Variants in NELL2 observed in about 807,000 individuals in gnomAD.
The protein encoded by NELL2 is protein kinase C-binding protein NELL2.
Under a neutral mutation model 109.6 loss-of-function variants are expected in NELL2, and 41 were observed. That is an observed-to-expected ratio of 0.37 (90% CI 0.29 to 0.49). The LOEUF is 0.49. NELL2 is among the 20% of genes least tolerant of loss of function. The pLI is 0.98. For synonymous variants in NELL2, 355 were observed against 344.7 expected (o/e 1.03, Z -0.33); for missense variants, 900 against 1,008.3 (o/e 0.89, Z 1.45).
In NELL2 at chr12:44,569,605, A is replaced by G. The variant is rs534928861; in HGVS notation, c.1664-36884T>C. On this transcript the variant is annotated intron_variant, in intron 15 of 19. Transcript: ENST00000429094. ...GGCTCTGTTTTAGACCTCTTTAAAG[A>G]TTTTAAAAGTTAAGCGTAGACTTCA... Among the ~76,000 whole-genome samples the G allele has an allele frequency of 3.9e-5, 6 of 152,274 alleles. No individual in the cohort carries two copies. The East Asian group carries it at 1.2e-3, about 29-fold the overall frequency.
intron 15 of NELL2, among the ~76,000 whole-genome samples, chr12:44,550,284 C>T (rs181181068): frequency 2.6e-5 from 4 of 152,164 alleles, no homozygotes; most frequent in Admixed American, 2.6e-4. Context: ...ATTAAAAATA[C>T]AATGACTACA....
At chr12:44,600,182 T>G (rs1945163014) in intron 15 of NELL2, among the ~76,000 whole-genome samples, 2 of 146,448 alleles carry the variant, frequency 1.4e-5, no homozygotes, top group Non-Finnish European at 3.0e-5. Context: ...ATTTATTTAT[T>G]GTATTTTTAG....
At chr12:44,697,942 C>T (rs964091289) in intron 12 of NELL2, among the ~76,000 whole-genome samples, 1 of 152,174 alleles carries the variant, frequency 6.6e-6, no homozygotes, top group Non-Finnish European at 1.5e-5. Context: ...TGAAGTACAA[C>T]TTGTTCCATG....
At position 44,776,058 on chromosome 12, in the gene NELL2, C is replaced by T. The variant is rs746658465; in HGVS notation, c.855G>A (p.Glu285=). The change falls in exon 8 of 20, where the codon GAG becomes GAA. Residue 285 remains glutamate (E), a synonymous_variant. Coordinates refer to ENST00000429094, the MANE Select transcript of NELL2 (RefSeq NM_001145108.2). ...AGTTCTTACAGCCGTCTATCCAGGA[C>T]TCAAATTCTCGGTAGGTGGTTCCCT... The part of the protein sequence containing the change: ...TMKGTTYREF[E]SWIDGCKNCT... The T allele has an allele frequency of 6.2e-7, 1 of 1,614,066 alleles. No homozygotes were observed. Among genetic ancestry groups the T allele is most frequent in the Non-Finnish European group, 8.5e-7 (1 of 1,179,978 alleles).
chr12:44,679,061 C>T (rs531542153), intron 12 of NELL2, among the ~76,000 whole-genome samples: 7 of 152,080 alleles, frequency 4.6e-5, no homozygotes, highest in South Asian at 2.1e-4. Flanking sequence ...ACAGAGAGAA[C>T]GAAATTGAAA....
intron 9 of NELL2, among the ~76,000 whole-genome samples, chr12:44,768,507 A>G (rs1047577827): frequency 9.1e-5 from 13 of 143,396 alleles, no homozygotes; most frequent in African/African-American, 3.1e-4. Flanking sequence ...TACCTATAGA[A>G]TTATAAAAGT....
intron 15 of NELL2, among the ~76,000 whole-genome samples, chr12:44,580,333 G>A (rs373342676): frequency 1.2e-4 from 19 of 152,226 alleles, no homozygotes; most frequent in South Asian, 8.3e-4. Flanking sequence ...GGAGCAGCCC[G>A]CTACCCTCAC....
At chr12:44,697,182 C>T (rs112043776) in intron 12 of NELL2, among the ~76,000 whole-genome samples, 1,550 of 152,254 alleles carry the variant, frequency 0.01, 26 homozygotes, top group African/African-American at 0.034. Context: ...TGGAAATAAA[C>T]GTGAGCTATA....
chr12:44,641,978 T>C (rs1453490547), intron 13 of NELL2, among the ~76,000 whole-genome samples: 1 of 152,124 alleles, frequency 6.6e-6, no homozygotes, highest in Non-Finnish European at 1.5e-5. Flanking sequence ...ATTATAGGCA[T>C]AAGCCAGCGC....
chr12:44,882,662 G>A (rs2136860048), intron 1 of NELL2, among the ~76,000 whole-genome samples: 1 of 150,896 alleles, frequency 6.6e-6, no homozygotes, highest in East Asian at 2.0e-4. Context: ...CGAGTAGCTG[G>A]AATTACAGGC....
At chr12:44,717,070 G>A (rs1381810492) in intron 9 of NELL2, among the ~76,000 whole-genome samples, 1 of 152,080 alleles carries the variant, frequency 6.6e-6, no homozygotes, top group South Asian at 2.1e-4. Context: ...TTGGCTTAGA[G>A]AGAAACCAAA....
Position 44,708,014 on chromosome 12 carries a change from G to A in NELL2, c.1189+3278C>T, listed in dbSNP as rs1296157068. ...ATAATAAATTAAGGAGGGCCATCTA[G>A]TCAATAAGCCTTAATGATCTTGCAG... On this transcript the variant is annotated intron_variant, in intron 11 of 19. Transcript: ENST00000429094. Among the ~76,000 whole-genome samples, 12 of 152,268 alleles carry A rather than the reference G, an allele frequency of 7.9e-5. No individual in the cohort carries two copies. The East Asian group carries it at 2.3e-3, about 29-fold the overall frequency.
At chr12:44,516,914 T>G (rs185925118) in intron 19 of NELL2, among the ~76,000 whole-genome samples, 2,829 of 151,490 alleles carry the variant, frequency 0.019, 50 homozygotes, top group Middle Eastern at 0.038. Context: ...TTTTTTTTTT[T>G]TTGCTAATTT....
intron 2 of NELL2, among the ~76,000 whole-genome samples, chr12:44,847,325 T>A (rs1944400555): frequency 6.6e-6 from 1 of 152,214 alleles, no homozygotes; most frequent in Non-Finnish European, 1.5e-5. Flanking sequence ...ATTAATCCTA[T>A]CTTCGAAACC....
chr12:44,645,262 T>C (rs1488657486), intron 13 of NELL2, among the ~76,000 whole-genome samples: 1 of 152,090 alleles, frequency 6.6e-6, no homozygotes, highest in East Asian at 1.9e-4. Flanking sequence ...GGGAAGAACA[T>C]GGGCCAATTT....
chr12:44,574,061 T>C (rs898907062), intron 15 of NELL2, among the ~76,000 whole-genome samples: 1 of 151,940 alleles, frequency 6.6e-6, no homozygotes, highest in African/African-American at 2.4e-5. Context: ...TTATTTTTTA[T>C]TTTATTTTTA....
intron 15 of NELL2, among the ~76,000 whole-genome samples, chr12:44,600,865 A>G (rs954802248): frequency 6.6e-6 from 1 of 152,204 alleles, no homozygotes; most frequent in African/African-American, 2.4e-5. Context: ...AATTTTATAC[A>G]ATATGTACAT....
At chr12:44,610,317 A>G (rs1945570798) in intron 14 of NELL2, among the ~76,000 whole-genome samples, 5 of 151,852 alleles carry the variant, frequency 3.3e-5, no homozygotes, top group Non-Finnish European at 7.4e-5. Flanking sequence ...CATAACAAAT[A>G]GGTTGACAAC....
rs991660986 is a variant in NELL2, at chr12:44,544,637, C to CT, written c.1664-11917dup. Among the ~76,000 whole-genome samples the CT allele has an allele frequency of 5.3e-5, 8 of 152,086 alleles. No homozygotes were observed. In the East Asian group the frequency reaches 1.5e-3, roughly 29 times the overall value. Reference sequence around the variant, plus strand: ...TGTTTGGTATCTTTTAACTATGTGTCTTTTTTCTTTGACACACATAAAATA... The same window carrying CT: ...TGTTTGGTATCTTTTAACTATGTGTCTTTTTTTCTTTGACACACATAAAATA... On this transcript the variant is annotated intron_variant, in intron 15 of 19. Coordinates refer to ENST00000429094, the MANE Select transcript of NELL2 (RefSeq NM_001145108.2).
Sources: gnomAD v4.1 joint callset for allele counts (sites outside exome capture counted in the v4.1 genomes callset) on GRCh38, gnomAD v4.1.1 for gene constraint, MANE v1.5 for transcripts, NCBI Gene and HGNC (gene_info 2026-07-23, HGNC 2026-07-21) for gene names.